The following THOP1 variants were observed in gnomAD, a reference collection of about 807,000 sequenced individuals.
THOP1 encodes thimet oligopeptidase.
A neutral mutation model predicts 71.8 loss-of-function variants in THOP1; 49 were observed. That is an observed-to-expected ratio of 0.68 (90% CI 0.54 to 0.87). THOP1 has a LOEUF of 0.87. Ranked by LOEUF, THOP1 falls within the 40% of genes least tolerant of loss-of-function variation. THOP1 has a pLI of 0.00. For missense variants in THOP1, 843 were observed against 975.6 expected (o/e 0.86, Z 1.81); for synonymous variants, 426 against 421.5 (o/e 1.01, Z -0.13).
At chr19:2,785,775 C>T (rs529330639) in intron 1 of THOP1, 97 bp downstream of exon 1, 608 of 1,198,496 alleles carry the variant, frequency 5.1e-4, no homozygotes, top group Non-Finnish European at 6.1e-4. Context: ...AAGCGACCCC[C>T]GAGCCACCCT....
At position 2,790,581 on chromosome 19, in the gene THOP1, G is replaced by A; in HGVS notation, c.177G>A (p.Val59=). ...TTGGCACCCAGGAGTTTGAGGACGT[G>A]TCCTACGAGAGCACGCTCAAGGCGC... is the stretch of plus-strand genomic sequence containing the variant. The part of the protein sequence containing the change: ...DQVGTQEFED[V]SYESTLKALA... Residue 59 remains valine (V), a synonymous_variant, in exon 2 of 13, where the codon GTG becomes GTA. Coordinates refer to ENST00000307741, the MANE Select transcript of THOP1 (RefSeq NM_003249.5). 1.1e-5 allele frequency: 17 copies of A among 1,603,066 alleles called. No homozygotes were observed. The highest frequency in any genetic ancestry group is 1.4e-5 in the Non-Finnish European group (17 of 1,175,002).
chr19:2,811,915 G>A (rs910055629), intron 12 of THOP1, 181 bp downstream of exon 12: 40 of 1,348,828 alleles, frequency 3.0e-5, no homozygotes, highest in East Asian at 1.3e-4. Flanking sequence ...GGGTGGGGCC[G>A]AGAAAAGCAC....
intron 12 of THOP1, among the ~76,000 whole-genome samples, chr19:2,812,780 G>A (rs567033389): frequency 5.9e-5 from 9 of 152,348 alleles, no homozygotes; most frequent in African/African-American, 1.4e-4. Context: ...GGCCCAGAGC[G>A]CGAGCGGCTT....
chr19:2,794,213 C>A lies in THOP1; in HGVS notation c.230-551C>A, dbSNP rs78549031. On this transcript the variant is annotated intron_variant, in intron 2 of 12. Transcript: ENST00000307741. ...TATTTTTAGTAGAGATGGGGTTTCA[C>A]CTTGTTGGCCAGGCTGGTCTCGGAC... Among the ~76,000 whole-genome samples the A allele has an allele frequency of 1.3e-3, 198 of 152,068 alleles. 2 individuals are homozygous for A. In the East Asian group the frequency reaches 0.033, roughly 25 times the overall value.
In THOP1 at chr19:2,805,721, C is replaced by A. The variant is rs894687959; in HGVS notation, c.750+545C>A. On this transcript the variant is annotated intron_variant, in intron 6 of 12. Coordinates refer to ENST00000307741, the MANE Select transcript of THOP1 (RefSeq NM_003249.5). This position sits in a 1 kb window ranked among gnomAD's most constrained non-coding sequence, Gnocchi z 6.6. ...AGGCAGAGGCTCTAGGAGTGGGCCT[C>A]TTGGTCCCCTGACGACACCAAGTTG... is the stretch of plus-strand genomic sequence containing the variant. 2.6e-5 allele frequency among the ~76,000 whole-genome samples: 4 copies of A among 152,172 alleles called. No individual in the cohort carries two copies. Among genetic ancestry groups the A allele is most frequent in the Non-Finnish European group, 4.4e-5 (3 of 68,030 alleles).
chr19:2,791,843 G>A (rs771664585), intron 2 of THOP1, among the ~76,000 whole-genome samples: 9 of 152,222 alleles, frequency 5.9e-5, no homozygotes, highest in Non-Finnish European at 1.2e-4. Context: ...GGGCCTTTCC[G>A]CTTCCCTCAG....
In THOP1 at chr19:2,793,379, TC is replaced by T. The variant is rs1915930589; in HGVS notation, c.230-1383del. Among the ~76,000 whole-genome samples the T allele has an allele frequency of 2.6e-5, 4 of 152,188 alleles. No individual in the cohort carries two copies. In the South Asian group the frequency reaches 8.3e-4, roughly 32 times the overall value. ...CCTCCTGTCTCTGTGGATGGGCCTG[TC>T]CTGGATATTTCGTAGAAATGGCACC... On this transcript the variant is annotated intron_variant, in intron 2 of 12. Transcript: ENST00000307741.
rs1489593972 is a variant in THOP1, at chr19:2,805,880, G to A, written c.750+704G>A. 2 of 132,410 alleles carry A rather than the reference G, an allele frequency of 1.5e-5. No homozygotes were observed. Among genetic ancestry groups the A allele is most frequent in the African/African-American group, 2.8e-5 (1 of 35,428 alleles). 8.2% of individuals were successfully genotyped at this position (132,410 alleles called of 1,614,324 possible). A position where few individuals can be genotyped will look rare whatever the true frequency, so the allele number is the denominator to read the frequency against. ...GGGCGGGTGCCCATCACTGCGGGGG[G>A]ACGGGCGGGTGCCCATCACTGCGGG... is the stretch of plus-strand genomic sequence containing the variant. On this transcript the variant is annotated intron_variant, in intron 6 of 12. Coordinates refer to ENST00000307741, the MANE Select transcript of THOP1 (RefSeq NM_003249.5). The surrounding 1 kb of genome is among the most constrained non-coding windows in gnomAD (Gnocchi z 6.6).
chr19:2,787,708 C>T (rs1915780879), intron 1 of THOP1, among the ~76,000 whole-genome samples: 1 of 152,208 alleles, frequency 6.6e-6, no homozygotes, highest in South Asian at 2.1e-4. Context: ...TGATTCTCAG[C>T]TGGGGTGATT....
At chr19:2,811,528 G>A (rs1216939084) in intron 11 of THOP1, 70 bp from the exon 12 acceptor site, 5 of 1,554,748 alleles carry the variant, frequency 3.2e-6, no homozygotes, top group Non-Finnish European at 4.4e-6. Context: ...AGTCTGGCTG[G>A]TTGTCTTCTC....
At chr19:2,791,259 G>C (rs989031262) in intron 2 of THOP1, among the ~76,000 whole-genome samples, 3 of 152,226 alleles carry the variant, frequency 2.0e-5, no homozygotes, top group African/African-American at 7.2e-5. Context: ...GCCTAAGGCT[G>C]ACAGTGTACC....
intron 1 of THOP1, among the ~76,000 whole-genome samples, chr19:2,789,218 C>G (rs1158775367): frequency 6.6e-6 from 1 of 152,184 alleles, no homozygotes; most frequent in Non-Finnish European, 1.5e-5. Context: ...TCCCCTGGGT[C>G]CTCTGCAGAA....
intron 11 of THOP1, among the ~76,000 whole-genome samples, 183 bp from the exon 12 acceptor site, chr19:2,811,415 T>C (rs1916458045): frequency 1.3e-5 from 2 of 152,210 alleles, no homozygotes; most frequent in Admixed American, 1.3e-4. Context: ...CGGAGACTTG[T>C]GGCCCTCGCT....
chr19:2,814,228 G>A lies in THOP1; in HGVS notation c.*952G>A, dbSNP rs1297669114. On this transcript the variant is annotated 3_prime_UTR_variant, in exon 13 of 13. Coordinates refer to ENST00000307741, the MANE Select transcript of THOP1 (RefSeq NM_003249.5). ...GGCGCTTCCTGGACCCTCCAACAGT[G>A]CTCAGAGATGCCTCAGGGATAGCTG... 6.6e-6 allele frequency: 1 copy of A among 152,468 alleles called. No individual in the cohort carries two copies. Among genetic ancestry groups the A allele is most frequent in the East Asian group, 1.9e-4 (1 of 5,206 alleles). The allele number at this position is 152,468 out of a possible 1,614,324, so 9.4% of individuals were successfully genotyped here.
Position 2,802,564 on chromosome 19 carries a change from G to A in THOP1, c.590-2452G>A, listed in dbSNP as rs538647891. ...ACACCTCCCGACACCAACACCTTCC[G>A]ACACCCCCACCTCCCGACACCGCCA... On this transcript the variant is annotated intron_variant, in intron 5 of 12. Transcript: ENST00000307741. Among the ~76,000 whole-genome samples, 9 of 145,410 alleles carry A rather than the reference G, an allele frequency of 6.2e-5. No individual in the cohort carries two copies. The East Asian group carries it at 1.7e-3, about 28-fold the overall frequency.
chr19:2,814,897 T>TA lies in THOP1; in HGVS notation c.*1629dup, dbSNP rs1568328639. ...GGGCAACGTGGCAAGACCCCATCTCTAAAAAAAATAAGTTCGGTGGGTGTG... is the reference window on the plus strand; with the variant it reads ...GGGCAACGTGGCAAGACCCCATCTCTAAAAAAAAATAAGTTCGGTGGGTGTG... On this transcript the variant is annotated 3_prime_UTR_variant, in exon 13 of 13. Coordinates refer to ENST00000307741, the MANE Select transcript of THOP1 (RefSeq NM_003249.5). The TA allele has an allele frequency of 6.6e-6, 1 of 151,936 alleles. No homozygotes were observed. The highest frequency in any genetic ancestry group is 1.5e-5 in the Non-Finnish European group (1 of 68,118). The allele number at this position is 151,936 out of a possible 1,614,324, so 9.4% of individuals were successfully genotyped here.
In THOP1 at chr19:2,785,551, C is replaced by A. The variant is rs865794242; in HGVS notation, c.-112C>A. ...GCGGGCCCCTTGGTCCTCAGGCGGC[C>A]GTGGCGGCGGTGGCGGCGGTTGGGC... On this transcript the variant is annotated 5_prime_UTR_variant, in exon 1 of 13. Transcript: ENST00000307741. 3.7e-4 allele frequency: 480 copies of A among 1,301,668 alleles called. 4 individuals carry two copies. The African/African-American group carries it at 4.1e-3, about 11-fold the overall frequency. 80.6% of individuals were successfully genotyped at this position (1,301,668 alleles called of 1,614,324 possible).
chr19:2,807,702 C>G lies in THOP1; in HGVS notation c.1147C>G (p.His383Asp). Residue 383 changes from histidine (H) to aspartate (D), a missense_variant, in exon 8 of 13, where the codon CAC becomes GAC. Physicochemically the swap from His to Asp is moderately conservative, Grantham distance 81. Coordinates refer to ENST00000307741, the MANE Select transcript of THOP1 (RefSeq NM_003249.5). The part of the protein sequence containing the change: ...YQELLGLAFH[H>D]EEGASAWHED... ...GGAGCTCCTGGGGCTGGCCTTCCAC[C>G]ACGAGGAGGGCGCCAGTGCCTGGCA... 6.2e-7 allele frequency: 1 copy of G among 1,603,852 alleles called. No individual in the cohort carries two copies. Among genetic ancestry groups the G allele is most frequent in the South Asian group, 1.1e-5 (1 of 90,704 alleles).
At chr19:2,803,083 A>C (rs1008754063) in intron 5 of THOP1, among the ~76,000 whole-genome samples, 1 of 152,164 alleles carries the variant, frequency 6.6e-6, no homozygotes, top group Non-Finnish European at 1.5e-5. Flanking sequence ...ACTGTTGGAC[A>C]TGTGATGTCG....
Sources: gnomAD v4.1 joint callset for allele counts (sites outside exome capture counted in the v4.1 genomes callset) on GRCh38, gnomAD v4.1.1 for gene constraint, Gnocchi (gnomAD v3.1) non-coding constraint, MANE v1.5 for transcripts, NCBI Gene and HGNC (gene_info 2026-07-23, HGNC 2026-07-21) for gene names.